NCOA1: variants seen among roughly 807,000 people sequenced by gnomAD.
NCOA1 encodes the protein Hin-2 protein.
A neutral mutation model predicts 150.9 loss-of-function variants in NCOA1; 35 were observed. The observed-to-expected ratio is 0.23, with a 90% CI of 0.18 to 0.31. NCOA1 has a LOEUF of 0.31. Among genes scored for constraint, NCOA1 ranks in the 10% least tolerant of loss-of-function variants. The pLI is 1.00. For synonymous variants in NCOA1, 590 were observed against 630.0 expected (o/e 0.94, Z 0.95); for missense variants, 1,491 against 1,749.3 (o/e 0.85, Z 2.63).
intron 22 of NCOA1, chr2:24,767,994 G>T: frequency 7.2e-7 from 1 of 1,396,040 alleles, no homozygotes; most frequent in South Asian, 1.2e-5. Flanking sequence ...TAGGAGGCGT[G>T]ACCATTCCAA....
At chr2:24,676,836 G>A (rs1671932824) in intron 7 of NCOA1, among the ~76,000 whole-genome samples, 1 of 152,098 alleles carries the variant, frequency 6.6e-6, no homozygotes, top group African/African-American at 2.4e-5. Context: ...TTCATAATTG[G>A]AAATATTAAT....
chr2:24,761,352 C>T (rs1175376091), intron 21 of NCOA1, among the ~76,000 whole-genome samples: 1 of 152,012 alleles, frequency 6.6e-6, no homozygotes, highest in Non-Finnish European at 1.5e-5. Flanking sequence ...ATTACTGTAG[C>T]CTCAGGTTCA....
At chr2:24,746,268 C>A (rs1663912371) in intron 19 of NCOA1, among the ~76,000 whole-genome samples, 1 of 152,218 alleles carries the variant, frequency 6.6e-6, no homozygotes, top group Non-Finnish European at 1.5e-5. Flanking sequence ...CCCAGCTGGG[C>A]ACGGTGGCTC....
intron 1 of NCOA1, among the ~76,000 whole-genome samples, chr2:24,557,503 T>C (rs1666119407): frequency 6.6e-6 from 1 of 150,620 alleles, no homozygotes; most frequent in Admixed American, 6.6e-5. Flanking sequence ...CTCCTCCTCC[T>C]GCTCCTCCTC....
chr2:24,633,573 T>C (rs192865044), intron 3 of NCOA1, among the ~76,000 whole-genome samples: 1 of 152,250 alleles, frequency 6.6e-6, no homozygotes, highest in Admixed American at 6.5e-5. Flanking sequence ...ATTTAAAGAA[T>C]AGGAAATATA....
intron 3 of NCOA1, among the ~76,000 whole-genome samples, chr2:24,603,169 G>A (rs369052125): frequency 8.1e-6 from 1 of 123,160 alleles, no homozygotes; most frequent in African/African-American, 2.6e-5. Context: ...GTGTGCAATA[G>A]CATTGTGTCT....
intron 10 of NCOA1, among the ~76,000 whole-genome samples, chr2:24,693,857 G>A (rs1672779453): frequency 6.6e-6 from 1 of 152,056 alleles, no homozygotes; most frequent in African/African-American, 2.4e-5. Context: ...GTGACAAATT[G>A]TGTTATTTTT....
At chr2:24,497,546 C>T (rs1202306638) in intron 1 of NCOA1, among the ~76,000 whole-genome samples, 2 of 152,136 alleles carry the variant, frequency 1.3e-5, no homozygotes, top group African/African-American at 4.8e-5. Context: ...GTGGCGCAAG[C>T]CTGTAGTCCC....
rs1668306660 is a variant in NCOA1 at position 24,605,134 on chromosome 2, A to G, written c.-175+20574A>G. On this transcript the variant is annotated intron_variant, in intron 3 of 22. Coordinates refer to ENST00000348332, the MANE Select transcript of NCOA1 (RefSeq NM_003743.5). ...AATTACAGTAATAAAATCAAAGATCACTGATTACAGATCACCATAAGAGAG... is the reference window on the plus strand; with the variant it reads ...AATTACAGTAATAAAATCAAAGATCGCTGATTACAGATCACCATAAGAGAG... 2.0e-5 allele frequency among the ~76,000 whole-genome samples: 3 copies of G among 152,316 alleles called. No homozygotes were observed. The East Asian group carries it at 5.8e-4, about 29-fold the overall frequency.
In NCOA1 at chr2:24,651,075, G is replaced by C. The variant is rs182176795; in HGVS notation, c.-18+6953G>C. Among the ~76,000 whole-genome samples the C allele has an allele frequency of 1.5e-4, 23 of 152,118 alleles. No individual in the cohort carries two copies. In the East Asian group the frequency reaches 3.9e-3, roughly 25 times the overall value. ...AGTATTGGCAAAGGTGTTGAGAAAA[G>C]GGAACCCATGTACCCTTTTGATGGG... On this transcript the variant is annotated intron_variant, in intron 4 of 22. Transcript: ENST00000348332.
chr2:24,570,260 T>C (rs1019791824), intron 2 of NCOA1, among the ~76,000 whole-genome samples: 3 of 152,188 alleles, frequency 2.0e-5, no homozygotes, highest in Non-Finnish European at 2.9e-5. Context: ...GGTTTATGGT[T>C]CAATCTGATT....
chr2:24,712,776 A>G (rs928686429), intron 14 of NCOA1, among the ~76,000 whole-genome samples: 1 of 152,092 alleles, frequency 6.6e-6, no homozygotes, highest in Non-Finnish European at 1.5e-5. Flanking sequence ...GAAATTAGGT[A>G]TCCAACTTTT....
At chr2:24,653,756 A>T (rs1558875864) in intron 4 of NCOA1, among the ~76,000 whole-genome samples, 1 of 152,176 alleles carries the variant, frequency 6.6e-6, no homozygotes. Flanking sequence ...TCTTAGATGG[A>T]CATAACCTAA....
At chr2:24,527,792 C>G (rs1297631891) in intron 1 of NCOA1, among the ~76,000 whole-genome samples, 1 of 152,206 alleles carries the variant, frequency 6.6e-6, no homozygotes, top group Non-Finnish European at 1.5e-5. Context: ...CAACAATGTA[C>G]AAAGGTTCCC....
At position 24,491,588 on chromosome 2, in the gene NCOA1, A is replaced by AGGC. The variant is rs1317859312; in HGVS notation, c.-400_-398dup. On this transcript the variant is annotated 5_prime_UTR_variant, in exon 1 of 23. Coordinates refer to ENST00000348332, the MANE Select transcript of NCOA1 (RefSeq NM_003743.5). ...TGCGGCGCCGGTGAGCGGGGCCCAG[A>AGGC]GGCGGCGGCGGCAGGTGAGTGGCGG... 2.1e-5 allele frequency among the ~76,000 whole-genome samples: 1 copy of AGGC among 47,808 alleles called. No individual in the cohort carries two copies. Among genetic ancestry groups the AGGC allele is most frequent in the Non-Finnish European group, 4.2e-5 (1 of 23,748 alleles). 31.4% of individuals were successfully genotyped at this position (47,808 alleles called of 152,430 possible). A position where few individuals can be genotyped will look rare whatever the true frequency, so the allele number is the denominator to read the frequency against.
chr2:24,510,206 C>T (rs1663875969), intron 1 of NCOA1, among the ~76,000 whole-genome samples: 1 of 152,152 alleles, frequency 6.6e-6, no homozygotes, highest in Non-Finnish European at 1.5e-5. Context: ...TCTGCCACCA[C>T]ACCCAGTTAA....
In NCOA1 at chr2:24,765,896, C is replaced by CTTTTTTTTTTTTTTT. The variant is rs773857143; in HGVS notation, c.4156-2320_4156-2306dup. Among the ~76,000 whole-genome samples the CTTTTTTTTTTTTTTT allele has an allele frequency of 1.7e-3, 217 of 128,012 alleles. 4 individuals are homozygous for CTTTTTTTTTTTTTTT. The highest frequency in any genetic ancestry group is 3.4e-3 in the African/African-American group (116 of 34,238). The allele number at this position is 128,012 out of a possible 152,430, so 84.0% of individuals were successfully genotyped here. On this transcript the variant is annotated intron_variant, in intron 22 of 22. Coordinates refer to ENST00000348332, the MANE Select transcript of NCOA1 (RefSeq NM_003743.5). The stretch of plus-strand genomic sequence containing the variant: ...AGTTTTCTGTAATTTCAATAATACA[C>CTTTTTTTTTTTTTTT]TTTTTTTTTTTTTTTTTTTGAGACG...
At chr2:24,639,143 T>C (rs1360512007) in intron 3 of NCOA1, among the ~76,000 whole-genome samples, 5 of 152,204 alleles carry the variant, frequency 3.3e-5, no homozygotes, top group Non-Finnish European at 5.9e-5. Context: ...TGAAAGTGTG[T>C]AAGATTGCTA....
chr2:24,545,378 A>G (rs1407549628), intron 1 of NCOA1, among the ~76,000 whole-genome samples: 1 of 152,248 alleles, frequency 6.6e-6, no homozygotes, highest in Non-Finnish European at 1.5e-5. Flanking sequence ...AAAATAAATA[A>G]TATTGCATTA....
Sources: gnomAD v4.1 joint callset for allele counts (sites outside exome capture counted in the v4.1 genomes callset) on GRCh38, gnomAD v4.1.1 for gene constraint, MANE v1.5 for transcripts, NCBI Gene and HGNC (gene_info 2026-07-23, HGNC 2026-07-21) for gene names.